PDE8A: variants seen among roughly 807,000 people sequenced by gnomAD.
PDE8A encodes high affinity cAMP-specific and IBMX-insensitive 3',5'-cyclic phosphodiesterase 8A.
Under a neutral mutation model 105.0 loss-of-function variants are expected in PDE8A, and 59 were observed. The ratio of observed to expected loss-of-function variants is 0.56; its 90% confidence interval spans 0.46 to 0.70. PDE8A has a LOEUF of 0.70. PDE8A is among the 30% of genes least tolerant of loss of function. The pLI, the probability that PDE8A is intolerant of heterozygous loss-of-function variation, is 0.00. For synonymous variants in PDE8A, 355 were observed against 371.9 expected (o/e 0.95, Z 0.52); for missense variants, 1,014 against 1,045.9 (o/e 0.97, Z 0.42).
intron 14 of PDE8A, chr15:85,115,152 A>G (rs1567295789): frequency 5.0e-6 from 2 of 396,132 alleles, no homozygotes; most frequent in Non-Finnish European, 9.0e-6. Context: ...AAGACCACCC[A>G]CCCCTCAAAA....
chr15:85,094,571 C>G (rs745703242), intron 8 of PDE8A, among the ~76,000 whole-genome samples: 3 of 152,232 alleles, frequency 2.0e-5, no homozygotes, highest in Non-Finnish European at 4.4e-5. Context: ...GGTTTTCTCT[C>G]ATCTCCCAAA....
chr15:84,986,768 A>C (rs536500461), intron 1 of PDE8A, among the ~76,000 whole-genome samples: 3 of 151,602 alleles, frequency 2.0e-5, no homozygotes, highest in Admixed American at 1.3e-4. Flanking sequence ...CGCACCATGC[A>C]TGGCCAGTTT....
intron 1 of PDE8A, among the ~76,000 whole-genome samples, chr15:85,039,326 A>C (rs1446359721): frequency 6.6e-6 from 1 of 151,754 alleles, no homozygotes; most frequent in African/African-American, 2.4e-5. Context: ...CTACTTGGGA[A>C]TCTGAGGTGG....
chr15:85,078,721 A>G (rs989415197), intron 5 of PDE8A, among the ~76,000 whole-genome samples: 1 of 152,184 alleles, frequency 6.6e-6, no homozygotes, highest in Non-Finnish European at 1.5e-5. Flanking sequence ...ATATACTTCA[A>G]CCAGAAGGAA....
In PDE8A at chr15:85,116,062, A is replaced by G; in HGVS notation, c.1478A>G (p.Glu493Gly). Residue 493 changes from glutamate to glycine, a missense_variant, in exon 16 of 22, where the codon GAA (glutamate) becomes GGA (glycine). Physicochemically the swap from Glu to Gly is moderately conservative, Grantham distance 98. Coordinates refer to ENST00000394553, the MANE Select transcript of PDE8A (RefSeq NM_002605.3). ...CCACCACGGATAGCTCGGGCCATGG[A>G]AAATGAGGAATACTGGGACTTTGAT... ...DVPPRIARAM[E>G]NEEYWDFDIF... 18 of 1,614,034 alleles carry G rather than the reference A, an allele frequency of 1.1e-5. No individual in the cohort carries two copies. The highest frequency in any genetic ancestry group is 1.4e-5 in the Non-Finnish European group (17 of 1,179,858).
intron 8 of PDE8A, among the ~76,000 whole-genome samples, chr15:85,096,408 A>G (rs2081754383): frequency 6.6e-6 from 1 of 152,118 alleles, no homozygotes; most frequent in Non-Finnish European, 1.5e-5. Context: ...GCAACAAGCC[A>G]TGGTTGTGCC....
intron 1 of PDE8A, among the ~76,000 whole-genome samples, chr15:84,985,823 A>G (rs1026434292): frequency 3.9e-5 from 6 of 152,180 alleles, no homozygotes; most frequent in Admixed American, 1.3e-4. Context: ...GAGGCTGTAA[A>G]GTTTGGATTT....
chr15:85,042,496 C>T (rs1165066883), intron 1 of PDE8A, among the ~76,000 whole-genome samples: 1 of 152,182 alleles, frequency 6.6e-6, no homozygotes, highest in Non-Finnish European at 1.5e-5. Flanking sequence ...AGGTTGAGGA[C>T]AGCATTCAGA....
chr15:85,094,803 A>T (rs2141544361), intron 8 of PDE8A, among the ~76,000 whole-genome samples: 1 of 152,134 alleles, frequency 6.6e-6, no homozygotes, highest in African/African-American at 2.4e-5. Context: ...TACAGTGTGT[A>T]ACTCTGTCTC....
intron 5 of PDE8A, 90 bp downstream of exon 5, chr15:85,076,877 ATTTG>A: frequency 1.1e-6 from 1 of 909,330 alleles, no homozygotes; most frequent in Non-Finnish European, 1.8e-6. Context: ...CTTTGTATTA[ATTTG>A]AAGAAAAAAA....
At chr15:85,106,720 A>G (rs965479259) in intron 11 of PDE8A, among the ~76,000 whole-genome samples, 11 of 152,214 alleles carry the variant, frequency 7.2e-5, no homozygotes, top group Non-Finnish European at 1.0e-4. Context: ...AGTTGTGCTG[A>G]TGCAGTACAT....
chr15:85,118,973 T>C (rs938791459), intron 17 of PDE8A, among the ~76,000 whole-genome samples: 5 of 152,174 alleles, frequency 3.3e-5, no homozygotes, highest in African/African-American at 1.2e-4. Context: ...TTTTGTTTTT[T>C]TCCAGAAAAA....
chr15:85,096,078 C>T (rs1274416789), intron 8 of PDE8A, among the ~76,000 whole-genome samples: 2 of 151,290 alleles, frequency 1.3e-5, no homozygotes, highest in Non-Finnish European at 2.9e-5. Flanking sequence ...GGTTTCACCA[C>T]GTTGGCCAGG....
chr15:85,017,894 A>C (rs980579326), intron 1 of PDE8A, among the ~76,000 whole-genome samples: 1 of 151,374 alleles, frequency 6.6e-6, no homozygotes, highest in African/African-American at 2.4e-5. Flanking sequence ...TCTCAAAAAA[A>C]AAAAAGCAAT....
At chr15:85,020,653 C>G (rs1211824262) in intron 1 of PDE8A, among the ~76,000 whole-genome samples, 6 of 152,116 alleles carry the variant, frequency 3.9e-5, no homozygotes, top group Non-Finnish European at 7.4e-5. Context: ...TAATTTTAGA[C>G]TTAGAGAAAA....
intron 1 of PDE8A, among the ~76,000 whole-genome samples, chr15:85,002,822 A>G (rs2080087763): frequency 6.6e-6 from 1 of 152,200 alleles, no homozygotes. Context: ...CTTGTTAGGA[A>G]TAACAGAAGT....
chr15:85,014,586 T>G (rs1217739235), intron 1 of PDE8A, among the ~76,000 whole-genome samples: 5 of 152,204 alleles, frequency 3.3e-5, no homozygotes, highest in Admixed American at 3.3e-4. Flanking sequence ...AGTTAAGTAT[T>G]TTAATGTATT....
intron 14 of PDE8A, among the ~76,000 whole-genome samples, chr15:85,115,027 G>A (rs951619279): frequency 2.6e-5 from 4 of 152,084 alleles, no homozygotes; most frequent in African/African-American, 7.2e-5. Context: ...GGAAAGCCTC[G>A]TGTCCTCAGA....
At position 85,023,087 on chromosome 15, in the gene PDE8A, T is replaced by C. The variant is rs573716783; in HGVS notation, c.186+40739T>C. On this transcript the variant is annotated intron_variant, in intron 1 of 21. Transcript: ENST00000394553. ...GGAAGGAATGAAGGGAAGGGAACAG[T>C]ACTGTTTTTCAGGTTATGAGTAGGC... is the stretch of plus-strand genomic sequence containing the variant. Among the ~76,000 whole-genome samples the C allele has an allele frequency of 3.0e-3, 463 of 152,300 alleles. 3 individuals carry two copies. The highest frequency in any genetic ancestry group is 0.01 in the African/African-American group (432 of 41,554).
Sources: allele counts gnomAD v4.1 joint callset (sites outside exome capture counted in the v4.1 genomes callset), GRCh38; gene constraint gnomAD v4.1.1; transcripts MANE v1.5; gene names NCBI Gene and HGNC (gene_info 2026-07-23, HGNC 2026-07-21).